ERC1: variants seen among roughly 807,000 people sequenced by gnomAD.
The protein encoded by ERC1 is RAB6 interacting protein 2.
A neutral mutation model predicts 132.0 loss-of-function variants in ERC1; 56 were observed. That is an observed-to-expected ratio of 0.42 (90% CI 0.34 to 0.53). The LOEUF is 0.53. Among genes scored for constraint, ERC1 ranks in the 20% least tolerant of loss-of-function variants. ERC1 has a pLI of 0.03. For synonymous variants in ERC1, 478 were observed against 476.1 expected, an observed-to-expected ratio of 1.00 and a Z score of -0.05; for missense variants, 1,202 against 1,349.9, an observed-to-expected ratio of 0.89 and a Z score of 1.72.
intron 12 of ERC1, among the ~76,000 whole-genome samples, chr12:1,196,668 A>AT (rs909176834): frequency 1.3e-5 from 2 of 151,034 alleles, no homozygotes; most frequent in African/African-American, 2.4e-5. Flanking sequence ...TAACTGCTTA[A>AT]TTTTTTTGTA....
At chr12:1,299,786 A>T (rs1323837048) in intron 15 of ERC1, among the ~76,000 whole-genome samples, 1 of 152,172 alleles carries the variant, frequency 6.6e-6, no homozygotes, top group Non-Finnish European at 1.5e-5. Flanking sequence ...AATTGCCAAT[A>T]CCTGGAACGA....
At chr12:1,194,277 C>T (rs766995177) in intron 12 of ERC1, among the ~76,000 whole-genome samples, 1 of 152,002 alleles carries the variant, frequency 6.6e-6, no homozygotes, top group Non-Finnish European at 1.5e-5. Context: ...AAAAATTAGC[C>T]AGGCATGATG....
At chr12:1,471,730 G>A (rs1358479506) in intron 18 of ERC1, among the ~76,000 whole-genome samples, 3 of 152,190 alleles carry the variant, frequency 2.0e-5, no homozygotes, top group East Asian at 1.9e-4. Flanking sequence ...ACCTTGCAAA[G>A]AATAATAAAC....
At chr12:1,155,392 G>T (rs1412792023) in intron 8 of ERC1, among the ~76,000 whole-genome samples, 1 of 144,848 alleles carries the variant, frequency 6.9e-6, no homozygotes, top group Non-Finnish European at 1.5e-5. Context: ...CAAAGGAAAA[G>T]AAGTCATTCT....
chr12:1,430,333 G>T (rs931077134), intron 17 of ERC1: 21 of 152,078 alleles, frequency 1.4e-4, no homozygotes, highest in African/African-American at 4.8e-4. Context: ...GGGGTATTAG[G>T]GCTTAGGCAC....
intron 1 of ERC1, among the ~76,000 whole-genome samples, chr12:1,019,615 G>A (rs940194085): frequency 1.3e-5 from 2 of 152,210 alleles, no homozygotes; most frequent in African/African-American, 4.8e-5. Flanking sequence ...AGGGGGTCTT[G>A]AGCACCCCTG....
At chr12:1,309,280 A>G (rs1299120398) in intron 15 of ERC1, among the ~76,000 whole-genome samples, 2 of 152,212 alleles carry the variant, frequency 1.3e-5, no homozygotes, top group African/African-American at 4.8e-5. Flanking sequence ...ACCACAAGCT[A>G]GTAATTTGCA....
At chr12:998,898 C>T (rs1351886647) in intron 1 of ERC1, among the ~76,000 whole-genome samples, 8 of 136,070 alleles carry the variant, frequency 5.9e-5, no homozygotes, top group South Asian at 4.7e-4. Flanking sequence ...CTTGCTCTAT[C>T]GCCCAGGCTG....
chr12:1,241,728 A>G (rs1249267492), intron 13 of ERC1, among the ~76,000 whole-genome samples: 4 of 151,840 alleles, frequency 2.6e-5, no homozygotes, highest in Non-Finnish European at 5.9e-5. Flanking sequence ...GTAAATAGGT[A>G]TTCTTTAAAA....
rs573357239 is a variant in ERC1, at chr12:1,268,744, C to T, written c.2619+5579C>T. 4.6e-5 allele frequency among the ~76,000 whole-genome samples: 7 copies of T among 151,974 alleles called. No individual in the cohort carries two copies. The East Asian group carries it at 5.8e-4, about 13-fold the overall frequency. ...TCGTGCCACTGCACTCCAGCCTGGG[C>T]GACAGAGCGAGACTCCATATAAAAA... On this transcript the variant is annotated intron_variant, in intron 14 of 18. Transcript: ENST00000360905.
At chr12:1,133,907 C>T (rs1949010478) in intron 7 of ERC1, among the ~76,000 whole-genome samples, 1 of 152,124 alleles carries the variant, frequency 6.6e-6, no homozygotes, top group Non-Finnish European at 1.5e-5. Flanking sequence ...ATACCGTAAT[C>T]TGTGTTATTT....
At chr12:1,413,688 ATAAC>A (rs2091963788) in intron 17 of ERC1, among the ~76,000 whole-genome samples, 2 of 152,378 alleles carry the variant, frequency 1.3e-5, no homozygotes, top group Admixed American at 6.5e-5. Context: ...TCTAAGTTCA[ATAAC>A]TAAGTAGAAT....
At chr12:1,348,734 AAGATTTCCTACTC>A (rs1350937863) in intron 15 of ERC1, among the ~76,000 whole-genome samples, 1 of 152,086 alleles carries the variant, frequency 6.6e-6, no homozygotes. Context: ...ATAATGCAAC[AAGATTTCCTACTC>A]AGGACTTACA....
rs754635186 is a variant in ERC1 at position 1,444,744 on chromosome 12, G to C, written c.3207G>C (p.Arg1069=). ...AWENELQKMT[R]GQLQDELEKG... ...AGAATGAGCTGCAGAAGATGACCCG[G>C]GGGCAGGTGAGCCTCTCACTCAAAC... Residue 1069 remains arginine, a synonymous_variant, in exon 18 of 19, where the codon CGG becomes CGC. Transcript: ENST00000360905. 2 of 1,613,488 alleles carry C rather than the reference G, an allele frequency of 1.2e-6. No homozygotes were observed. Among genetic ancestry groups the C allele is most frequent in the Admixed American group, 3.3e-5 (2 of 59,828 alleles).
At chr12:1,024,770 C>T (rs1014727055) in intron 1 of ERC1, among the ~76,000 whole-genome samples, 1 of 149,008 alleles carries the variant, frequency 6.7e-6, no homozygotes, top group African/African-American at 2.5e-5. Flanking sequence ...GGTTCTGCAT[C>T]CACAGCTCAA....
chr12:1,074,989 C>T (rs542702546), intron 2 of ERC1, among the ~76,000 whole-genome samples: 68 of 151,882 alleles, frequency 4.5e-4, no homozygotes, highest in Middle Eastern at 3.4e-3. Flanking sequence ...AGTCTGAAAA[C>T]TTTGATTTGG....
At chr12:1,335,423 G>C (rs2083229759) in intron 15 of ERC1, among the ~76,000 whole-genome samples, 1 of 152,190 alleles carries the variant, frequency 6.6e-6, no homozygotes, top group Admixed American at 6.5e-5. Flanking sequence ...AGTTTATTGA[G>C]AGTTTTTAAC....
intron 15 of ERC1, among the ~76,000 whole-genome samples, chr12:1,337,788 C>G (rs1178547100): frequency 6.6e-6 from 1 of 152,110 alleles, no homozygotes; most frequent in South Asian, 2.1e-4. Flanking sequence ...TGATTTTTCC[C>G]TCACTTATGA....
At chr12:1,006,906 CA>C (rs1963718650) in intron 1 of ERC1, among the ~76,000 whole-genome samples, 3 of 150,314 alleles carry the variant, frequency 2.0e-5, no homozygotes, top group African/African-American at 4.9e-5. Flanking sequence ...GTTCCTCATT[CA>C]AAAAATATGG....
Sources: gnomAD v4.1 joint callset for allele counts (sites outside exome capture counted in the v4.1 genomes callset) on GRCh38, gnomAD v4.1.1 for gene constraint, MANE v1.5 for transcripts, NCBI Gene and HGNC (gene_info 2026-07-23, HGNC 2026-07-21) for gene names.